SF3B1: variants seen among roughly 807,000 people sequenced by gnomAD.
SF3B1 encodes the protein splicing factor 3b subunit 1, also known as pre-mRNA processing 10.
SF3B1 carries 12 observed loss-of-function variants against 153.8 expected under a neutral mutation model. That is an observed-to-expected ratio of 0.08 (90% confidence interval 0.05 to 0.13). SF3B1 has a LOEUF of 0.13. SF3B1 is among the 10% of genes least tolerant of loss of function. SF3B1 has a pLI of 1.00. For synonymous variants in SF3B1, 498 were observed against 525.2 expected, an observed-to-expected ratio of 0.95 and a Z score of 0.71; for missense variants, 513 against 1,606.1, an observed-to-expected ratio of 0.32 and a Z score of 11.63.
chr2:197,424,765 T>C (rs760834432), intron 1 of SF3B1, among the ~76,000 whole-genome samples: 2 of 152,206 alleles, frequency 1.3e-5, no homozygotes, highest in African/African-American at 4.8e-5. Context: ...TATAAAGAAA[T>C]AGTTTCGATT....
At chr2:197,405,993 A>T (rs894593135) in intron 9 of SF3B1, among the ~76,000 whole-genome samples, 2 of 152,086 alleles carry the variant, frequency 1.3e-5, no homozygotes, top group African/African-American at 4.8e-5. Context: ...AATGTTTGCC[A>T]AAGCCCTATA....
At chr2:197,415,001 C>A (rs1334317930) in intron 6 of SF3B1, among the ~76,000 whole-genome samples, 1 of 151,568 alleles carries the variant, frequency 6.6e-6, no homozygotes, top group East Asian at 1.9e-4. Flanking sequence ...GAGACCCTAC[C>A]TCAAGAAAAA....
At chr2:197,416,096 G>A (rs1297274019) in intron 6 of SF3B1, among the ~76,000 whole-genome samples, 3 of 150,346 alleles carry the variant, frequency 2.0e-5, no homozygotes, top group African/African-American at 7.3e-5. Flanking sequence ...GAGATTATAG[G>A]CATGAGCCAA....
At chr2:197,433,252 G>A (rs1434427567) in intron 1 of SF3B1, among the ~76,000 whole-genome samples, 2 of 152,228 alleles carry the variant, frequency 1.3e-5, no homozygotes, top group Non-Finnish European at 2.9e-5. Flanking sequence ...TTTTCTTATG[G>A]TATCACTTAA....
At chr2:197,421,794 A>G (rs949088309) in intron 2 of SF3B1, among the ~76,000 whole-genome samples, 1 of 152,272 alleles carries the variant, frequency 6.6e-6, no homozygotes, top group East Asian at 1.9e-4. Flanking sequence ...CCTGGGCAAC[A>G]TGGTGAAACT....
At chr2:197,405,798 A>C (rs2084984419) in intron 9 of SF3B1, among the ~76,000 whole-genome samples, 1 of 152,160 alleles carries the variant, frequency 6.6e-6, no homozygotes, top group Non-Finnish European at 1.5e-5. Context: ...CAATTCCAAA[A>C]AATGCTGTAG....
chr2:197,412,336 GATTTA>G (rs2085081107), intron 6 of SF3B1, among the ~76,000 whole-genome samples: 1 of 124,718 alleles, frequency 8.0e-6, no homozygotes, highest in Non-Finnish European at 1.7e-5. Flanking sequence ...CTGAGTCTCT[GATTTA>G]ATTTATTTAT....
chr2:197,408,633 A>G, intron 7 of SF3B1, 52 bp from the exon 8 acceptor site: 1 of 1,144,706 alleles, frequency 8.7e-7, no homozygotes, highest in Non-Finnish European at 1.3e-6. Flanking sequence ...TGTTAAAATA[A>G]TATTCTTTAT....
At chr2:197,411,612 C>T (rs1574538224) in intron 6 of SF3B1, among the ~76,000 whole-genome samples, 1 of 150,936 alleles carries the variant, frequency 6.6e-6, no homozygotes, top group Non-Finnish European at 1.5e-5. Flanking sequence ...GCAGAGTTTG[C>T]AGTGAGCCGA....
chr2:197,415,025 G>C (rs1485755319), intron 6 of SF3B1, among the ~76,000 whole-genome samples: 1 of 151,664 alleles, frequency 6.6e-6, no homozygotes, highest in Non-Finnish European at 1.5e-5. Context: ...AAAGAACAAA[G>C]CACTTTGTTC....
chr2:197,392,898 C>T, intron 24 of SF3B1, 74 bp downstream of exon 24: 1 of 872,804 alleles, frequency 1.1e-6, no homozygotes, highest in South Asian at 1.6e-5. Context: ...GCACGTTCAG[C>T]ACAAGTATCC....
At chr2:197,398,638 T>C in intron 20 of SF3B1, 57 bp from the exon 21 acceptor site, 1 of 1,522,962 alleles carries the variant, frequency 6.6e-7, no homozygotes, top group South Asian at 1.1e-5. Context: ...TTGTTCACTT[T>C]CCTTTTACTT....
rs749618674 is a variant in SF3B1, at chr2:197,401,539, A to T, written c.2371-14T>A. 4.4e-6 allele frequency: 7 copies of T among 1,604,388 alleles called. No homozygotes were observed. Among genetic ancestry groups the T allele is most frequent in the Non-Finnish European group, 6.0e-6 (7 of 1,175,094 alleles). On this transcript the variant is annotated splice_polypyrimidine_tract_variant and intron_variant, in intron 16 of 24. Transcript: ENST00000335508. The surrounding 1 kb of genome is among the most constrained non-coding windows in gnomAD (Gnocchi z 4.2). ...CTGTTTTACCACCTAAAAGGTTAAG[A>T]AATAGTAATAATAAATCAACTGACC...
rs2084954720 is a variant in SF3B1 at position 197,403,307 on chromosome 2, G to GA, written c.1720-273dup. The stretch of plus-strand genomic sequence containing the variant: ...ATACTGCACCATAATTACCATCGGT[G>GA]AAAAAACTGGTTCTTAATACTAACT... On this transcript the variant is annotated intron_variant, in intron 12 of 24. Transcript: ENST00000335508. Among the ~76,000 whole-genome samples, 2 of 152,258 alleles carry GA rather than the reference G, an allele frequency of 1.3e-5. 1 individual carries two copies. Among genetic ancestry groups the GA allele is most frequent in the East Asian group, 3.9e-4 (2 of 5,188 alleles).
chr2:197,416,415 G>C (rs2085149490), intron 6 of SF3B1, among the ~76,000 whole-genome samples: 1 of 152,118 alleles, frequency 6.6e-6, no homozygotes, highest in Non-Finnish European at 1.5e-5. Context: ...GGCCTTTAGG[G>C]AGGTAAATTA....
chr2:197,426,756 A>G (rs2085343135), intron 1 of SF3B1, among the ~76,000 whole-genome samples: 1 of 152,104 alleles, frequency 6.6e-6, no homozygotes, highest in Admixed American at 6.5e-5. Flanking sequence ...ACACCCTAGG[A>G]AACTATTTTA....
At chr2:197,397,926 A>G (rs1194547703) in intron 22 of SF3B1, 59 bp downstream of exon 22, 1 of 1,311,076 alleles carries the variant, frequency 7.6e-7, no homozygotes. Context: ...GTATTTTCCA[A>G]TACCACAATG....
At chr2:197,397,862 G>C (rs1353320882) in intron 22 of SF3B1, 123 bp downstream of exon 22, 8 of 591,838 alleles carry the variant, frequency 1.4e-5, no homozygotes, top group South Asian at 3.1e-5. Context: ...TAAATGAAGA[G>C]CTTTCTCAAC....
intron 11 of SF3B1, 65 bp downstream of exon 11, chr2:197,405,011 C>A (rs1415808958): frequency 1.1e-5 from 13 of 1,175,130 alleles, no homozygotes; most frequent in Non-Finnish European, 1.4e-5. Context: ...TCTACAAAAA[C>A]TACAAATTTT....
Sources: allele counts gnomAD v4.1 joint callset (sites outside exome capture counted in the v4.1 genomes callset), GRCh38; gene constraint gnomAD v4.1.1; non-coding constraint Gnocchi (gnomAD v3.1); transcripts MANE v1.5; gene names NCBI Gene and HGNC (gene_info 2026-07-23, HGNC 2026-07-21).